CTNNA3: variants seen among roughly 807,000 people sequenced by gnomAD.
CTNNA3 encodes the protein catenin alpha-3.
Under a neutral mutation model 95.7 loss-of-function variants are expected in CTNNA3, and 76 were observed. The ratio of observed to expected loss-of-function variants is 0.79; its 90% confidence interval spans 0.66 to 0.96. CTNNA3 has a LOEUF of 0.96. Among genes scored for constraint, CTNNA3 ranks in the 40% least tolerant of loss-of-function variants. The pLI is 0.00. For missense variants in CTNNA3, 1,191 were observed against 1,089.8 expected, an observed-to-expected ratio of 1.09 and a Z score of -1.31; for synonymous variants, 431 against 374.4, an observed-to-expected ratio of 1.15 and a Z score of -1.74.
intron 12 of CTNNA3, among the ~76,000 whole-genome samples, chr10:66,337,177 A>C (rs758940084): frequency 6.6e-6 from 1 of 152,170 alleles, no homozygotes; most frequent in Non-Finnish European, 1.5e-5. Context: ...ATTTGTAAAC[A>C]AATTTTTAAA....
chr10:66,035,020 C>T (rs1294899557), intron 15 of CTNNA3, among the ~76,000 whole-genome samples: 4 of 152,098 alleles, frequency 2.6e-5, no homozygotes, highest in South Asian at 2.1e-4. Context: ...ATTTGACCAG[C>T]GTGCAGTGTT....
intron 7 of CTNNA3, among the ~76,000 whole-genome samples, chr10:66,835,466 A>G (rs1478287786): frequency 6.6e-6 from 1 of 152,228 alleles, no homozygotes; most frequent in African/African-American, 2.4e-5. Context: ...TCTGACTCTT[A>G]GGCCAGCTAA....
chr10:67,234,445 C>T (rs1272645699), intron 5 of CTNNA3, among the ~76,000 whole-genome samples: 1 of 152,160 alleles, frequency 6.6e-6, no homozygotes, highest in Non-Finnish European at 1.5e-5. Flanking sequence ...CAGAAAAGGC[C>T]TTTGACAAAA....
At chr10:67,392,048 G>T (rs1844516233) in intron 5 of CTNNA3, among the ~76,000 whole-genome samples, 1 of 152,008 alleles carries the variant, frequency 6.6e-6, no homozygotes, top group Non-Finnish European at 1.5e-5. Flanking sequence ...AGACAAAATT[G>T]ACAAATGGGA....
intron 6 of CTNNA3, among the ~76,000 whole-genome samples, chr10:67,182,790 G>C (rs1862624969): frequency 6.6e-6 from 1 of 151,874 alleles, no homozygotes; most frequent in Non-Finnish European, 1.5e-5. Context: ...ATCTACTCAT[G>C]TAACAAAGGG....
chr10:67,254,323 A>G (rs1239677344), intron 5 of CTNNA3, among the ~76,000 whole-genome samples: 1 of 152,176 alleles, frequency 6.6e-6, no homozygotes, highest in Non-Finnish European at 1.5e-5. Context: ...GAAGTAAGAG[A>G]GAGGGATAAA....
chr10:66,280,690 G>T, intron 12 of CTNNA3, 69 bp from the exon 13 acceptor site: 1 of 1,233,632 alleles, frequency 8.1e-7, no homozygotes, highest in Non-Finnish European at 1.1e-6. Flanking sequence ...TAGTTTCCAG[G>T]AAATGTAGAA....
chr10:67,179,050 AG>A lies in CTNNA3; in HGVS notation c.1047+1266del, dbSNP rs1862377879. The stretch of plus-strand genomic sequence containing the variant: ...TATGAAGATACATCAAATGTGTTGA[AG>A]GGTCTTCAAAATGCACCAAATAATT... On this transcript the variant is annotated intron_variant, in intron 7 of 17. Transcript: ENST00000433211. 2.0e-5 allele frequency among the ~76,000 whole-genome samples: 3 copies of A among 152,140 alleles called. No individual in the cohort carries two copies. In the East Asian group the frequency reaches 5.8e-4, roughly 29 times the overall value.
chr10:67,762,880 A>G (rs547906369), intron 1 of CTNNA3, among the ~76,000 whole-genome samples: 2 of 152,244 alleles, frequency 1.3e-5, no homozygotes, highest in African/African-American at 4.8e-5. Context: ...TGCAGCCCCC[A>G]GTCACGTACT....
chr10:67,508,591 AGTT>A (rs751587525), intron 5 of CTNNA3, among the ~76,000 whole-genome samples: 25 of 152,244 alleles, frequency 1.6e-4, no homozygotes, highest in Non-Finnish European at 3.2e-4. Flanking sequence ...CTATGACATT[AGTT>A]TTCACAATTT....
At chr10:66,386,408 A>C (rs1017997702) in intron 11 of CTNNA3, among the ~76,000 whole-genome samples, 1 of 152,198 alleles carries the variant, frequency 6.6e-6, no homozygotes, top group African/African-American at 2.4e-5. Flanking sequence ...GGACCACTTC[A>C]AGGAGAGCTA....
At chr10:67,359,244 A>C (rs1842918378) in intron 5 of CTNNA3, among the ~76,000 whole-genome samples, 1 of 151,820 alleles carries the variant, frequency 6.6e-6, no homozygotes, top group South Asian at 2.1e-4. Flanking sequence ...AACTTTAAAA[A>C]AAAAAAAAAA....
chr10:66,554,423 T>TA (rs200571538), intron 10 of CTNNA3, among the ~76,000 whole-genome samples: 73 of 145,808 alleles, frequency 5.0e-4, no homozygotes, highest in South Asian at 1.3e-3. Context: ...TCATAATTTT[T>TA]AAAAAAAATA....
chr10:66,466,009 T>C (rs182744603), intron 11 of CTNNA3, among the ~76,000 whole-genome samples: 8 of 152,220 alleles, frequency 5.3e-5, no homozygotes, highest in African/African-American at 1.9e-4. Context: ...GTCTGGATGT[T>C]GCTGTGAATT....
intron 11 of CTNNA3, among the ~76,000 whole-genome samples, chr10:66,402,696 T>C (rs1192176077): frequency 6.6e-6 from 1 of 152,176 alleles, no homozygotes; most frequent in Non-Finnish European, 1.5e-5. Flanking sequence ...AATAAGGAAC[T>C]TGTTAAACAA....
At chr10:66,427,209 A>G (rs1281679986) in intron 11 of CTNNA3, among the ~76,000 whole-genome samples, 1 of 152,018 alleles carries the variant, frequency 6.6e-6, no homozygotes, top group Non-Finnish European at 1.5e-5. Context: ...ATGGAGGTAA[A>G]CACAAGCAAA....
intron 9 of CTNNA3, among the ~76,000 whole-genome samples, chr10:66,679,089 G>GTA (rs1564613400): frequency 6.6e-6 from 1 of 152,172 alleles, no homozygotes; most frequent in Non-Finnish European, 1.5e-5. Flanking sequence ...GCAGCATGAT[G>GTA]TAGGATATCT....
chr10:67,242,020 T>C (rs1201827097), intron 5 of CTNNA3, among the ~76,000 whole-genome samples: 2 of 152,214 alleles, frequency 1.3e-5, no homozygotes, highest in African/African-American at 4.8e-5. Context: ...AGCTCCCACA[T>C]CTGCTCTTAA....
intron 12 of CTNNA3, among the ~76,000 whole-genome samples, chr10:66,363,469 A>G (rs1234950355): frequency 7.9e-5 from 12 of 152,146 alleles, no homozygotes; most frequent in African/African-American, 2.9e-4. Flanking sequence ...TGCAGGCCAG[A>G]AAGAGGGCCC....
Sources: allele counts gnomAD v4.1 joint callset (sites outside exome capture counted in the v4.1 genomes callset), GRCh38; gene constraint gnomAD v4.1.1; transcripts MANE v1.5; gene names NCBI Gene and HGNC (gene_info 2026-07-23, HGNC 2026-07-21).